The following ADAMTS18 variants were observed in gnomAD, a reference collection of about 807,000 sequenced individuals.
ADAMTS18 encodes ADAM metallopeptidase with thrombospondin type 1 motif 18.
ADAMTS18 carries 157 observed loss-of-function variants against 165.9 expected under a neutral mutation model. The observed-to-expected ratio is 0.95, with a 90% CI of 0.83 to 1.08. The LOEUF (loss-of-function observed/expected upper bound fraction) is 1.08, where lower values mean the gene tolerates loss of function less well. Ranked by LOEUF, ADAMTS18 falls within the 50% of genes least tolerant of loss-of-function variation. The probability of loss-of-function intolerance (pLI) is 0.00; values close to 1 mark genes in which losing one functional copy is unlikely to be tolerated. For missense variants in ADAMTS18, 2,040 were observed against 1,534.0 expected, an observed-to-expected ratio of 1.33 and a Z score of -5.51; for synonymous variants, 782 against 578.2, an observed-to-expected ratio of 1.35 and a Z score of -5.06.
At chr16:77,370,238 A>G (rs529885537) in intron 3 of ADAMTS18, among the ~76,000 whole-genome samples, 1 of 152,316 alleles carries the variant, frequency 6.6e-6, no homozygotes, top group East Asian at 1.9e-4. Context: ...TGGGTAGAGC[A>G]ATTAGGCAAG....
Position 77,289,251 on chromosome 16 carries a change from G to T in ADAMTS18, c.3550+13C>A. 1 of 1,614,022 alleles carries T rather than the reference G, an allele frequency of 6.2e-7. No homozygotes were observed. On this transcript the variant is annotated intron_variant, in intron 22 of 22. Transcript: ENST00000282849. ...AGACTAGTAAAGTTGACTGGAGCAT[G>T]GTGCCTTTTTACCTCTCTTTTCAGG...
At chr16:77,285,217 G>GGCTGGAGTGCAATGGTA (rs1330604116) in intron 22 of ADAMTS18, among the ~76,000 whole-genome samples, 2 of 152,158 alleles carry the variant, frequency 1.3e-5, no homozygotes, top group African/African-American at 4.8e-5. Context: ...TTGTTGCCCA[G>GGCTGGAGTGCAATGGTA]GCTGGAGTGC....
chr16:77,405,221 C>T (rs1027409664), intron 3 of ADAMTS18, among the ~76,000 whole-genome samples: 1 of 152,164 alleles, frequency 6.6e-6, no homozygotes, highest in Non-Finnish European at 1.5e-5. Flanking sequence ...CATGTCCAGA[C>T]AGGGAGCTCA....
chr16:77,343,332 C>A (rs2056428064), intron 10 of ADAMTS18, among the ~76,000 whole-genome samples: 2 of 152,168 alleles, frequency 1.3e-5, no homozygotes, highest in Admixed American at 1.3e-4. Context: ...CCTTGGCCTC[C>A]CAAAGTGCTA....
chr16:77,370,925 T>C (rs760603659), intron 3 of ADAMTS18, among the ~76,000 whole-genome samples: 4 of 152,170 alleles, frequency 2.6e-5, no homozygotes, highest in Non-Finnish European at 4.4e-5. Context: ...AGATATTCTG[T>C]GTTCATGGAT....
chr16:77,363,281 T>A (rs1485604796), intron 6 of ADAMTS18, among the ~76,000 whole-genome samples: 1 of 152,176 alleles, frequency 6.6e-6, no homozygotes, highest in Non-Finnish European at 1.5e-5. Context: ...CAGTTAAATA[T>A]CCCTTGTTTA....
At chr16:77,343,144 C>T (rs1020211490) in intron 10 of ADAMTS18, among the ~76,000 whole-genome samples, 1 of 151,304 alleles carries the variant, frequency 6.6e-6, no homozygotes, top group Admixed American at 6.6e-5. Context: ...ACCATCTCGG[C>T]TCACTGCAAC....
chr16:77,405,691 T>C (rs1222328079), intron 3 of ADAMTS18, among the ~76,000 whole-genome samples: 1 of 152,100 alleles, frequency 6.6e-6, no homozygotes, highest in Non-Finnish European at 1.5e-5. Context: ...GGCTAAAAAG[T>C]CTAATATCGA....
intron 11 of ADAMTS18, among the ~76,000 whole-genome samples, chr16:77,339,807 A>G (rs1007710046): frequency 1.3e-5 from 2 of 151,334 alleles, no homozygotes; most frequent in Non-Finnish European, 3.0e-5. Flanking sequence ...AAAATTGCAC[A>G]TAACTCCTCA....
chr16:77,303,485 T>C (rs911140064), intron 16 of ADAMTS18, among the ~76,000 whole-genome samples: 19 of 152,218 alleles, frequency 1.2e-4, no homozygotes, highest in Non-Finnish European at 2.1e-4. Context: ...GACTTCTCTT[T>C]TTCTGACAGA....
chr16:77,346,175 CCAGT>C (rs1482555334), intron 10 of ADAMTS18, among the ~76,000 whole-genome samples: 16 of 152,334 alleles, frequency 1.1e-4, no homozygotes, highest in Admixed American at 1.0e-3. Flanking sequence ...CAGCCACCAA[CCAGT>C]CAGTCTTCCA....
In ADAMTS18 at chr16:77,293,237, C is replaced by G. The variant is rs145095974; in HGVS notation, c.3028G>C (p.Gly1010Arg). The G allele has an allele frequency of 1.2e-6, 2 of 1,613,734 alleles. No individual in the cohort carries two copies. Among genetic ancestry groups the G allele is most frequent in the Non-Finnish European group, 8.5e-7 (1 of 1,179,962 alleles). ...WSQCSKTCGR[G>R]VRKRELLCKG... is the part of the protein sequence containing the mutation. ...CAGAGGAGTTCACGCTTCCTCACCC[C>G]TCGTCCACAGGTCTTGGAACACTTG... The change falls in exon 20 of 23, where the codon GGG becomes CGG. Residue 1010 changes from glycine to arginine, a missense_variant. By Grantham distance (125) the Gly-to-Arg change is moderately radical. Coordinates refer to ENST00000282849, the MANE Select transcript of ADAMTS18 (RefSeq NM_199355.4).
rs751759719 is a variant in ADAMTS18, at chr16:77,395,129, G to C, written c.496-27406C>G. Reference sequence around the variant, plus strand: ...TACAGCAAGCTGCCATACCAGAAGAGACCTGAGGAAGGCTGGTGAAATTCA... The same window carrying C: ...TACAGCAAGCTGCCATACCAGAAGACACCTGAGGAAGGCTGGTGAAATTCA... On this transcript the variant is annotated intron_variant, in intron 3 of 22. Coordinates refer to ENST00000282849, the MANE Select transcript of ADAMTS18 (RefSeq NM_199355.4). Among the ~76,000 whole-genome samples the C allele has an allele frequency of 1.7e-4, 26 of 152,332 alleles. 2 individuals carry two copies. The Middle Eastern group carries it at 0.037, about 219-fold the overall frequency.
rs751775332 is a variant in ADAMTS18, at chr16:77,289,396, C to G, written c.3418G>C (p.Gly1140Arg). 10 of 1,613,944 alleles carry G rather than the reference C, an allele frequency of 6.2e-6. No individual in the cohort carries two copies. Among genetic ancestry groups the G allele is most frequent in the South Asian group, 1.1e-5 (1 of 91,074 alleles). ...ACTGACCGGGTCTGGACCCCTCCCC[C>G]ACAGGTGACTGTGCACTGCAGCAGA... is the stretch of plus-strand genomic sequence containing the variant. Reference protein sequence around the residue: ...LPWQQCTVTCGGGVQTRSVHC... With the variant: ...LPWQQCTVTCRGGVQTRSVHC... Residue 1140 changes from glycine to arginine, a missense_variant, in exon 22 of 23, where the codon GGG becomes CGG. Coordinates refer to ENST00000282849, the MANE Select transcript of ADAMTS18 (RefSeq NM_199355.4).
chr16:77,367,900 C>T (rs1365282631), intron 3 of ADAMTS18, among the ~76,000 whole-genome samples, 177 bp from the exon 4 acceptor site: 2 of 152,162 alleles, frequency 1.3e-5, no homozygotes, highest in Admixed American at 6.5e-5. Context: ...ATTATTGAGA[C>T]AGGTCTCACT....
At chr16:77,307,786 G>T (rs1194135412) in intron 16 of ADAMTS18, among the ~76,000 whole-genome samples, 1 of 152,028 alleles carries the variant, frequency 6.6e-6, no homozygotes, top group African/African-American at 2.4e-5. Context: ...TACACTGATT[G>T]TATCTTGAGG....
At chr16:77,350,905 T>C (rs79002980) in intron 10 of ADAMTS18, among the ~76,000 whole-genome samples, 13,232 of 151,808 alleles carry the variant, frequency 0.087, 776 homozygotes, top group East Asian at 0.25. Context: ...ACCCTTTCAC[T>C]ATGCAATGCT....
rs569546410 is a variant in ADAMTS18, at chr16:77,335,879, T to G, written c.1736A>C (p.Lys579Thr). 1 of 1,614,138 alleles carries G rather than the reference T, an allele frequency of 6.2e-7. No homozygotes were observed. Among genetic ancestry groups the G allele is most frequent in the East Asian group, 2.2e-5 (1 of 44,878 alleles). The change falls in exon 12 of 23, where the codon AAG (lysine) becomes ACG (threonine). Residue 579 changes from lysine to threonine, a missense_variant. Transcript: ENST00000282849. ...GGGCCGGGGCCCGAGCTCCCCAAAC[T>G]TTACGCACTGGCCTTGCCGACACCA... Reference protein sequence around the residue: ...SMWCRQGQCVKFGELGPRPIH... With the variant: ...SMWCRQGQCVTFGELGPRPIH...
chr16:77,333,950 A>C (rs546699975), intron 12 of ADAMTS18, among the ~76,000 whole-genome samples: 3 of 142,462 alleles, frequency 2.1e-5, no homozygotes, highest in Non-Finnish European at 4.5e-5. Context: ...ATATAGTGTC[A>C]TATATACTAT....
Sources: allele counts gnomAD v4.1 joint callset (sites outside exome capture counted in the v4.1 genomes callset), GRCh38; gene constraint gnomAD v4.1.1; transcripts MANE v1.5; gene names NCBI Gene and HGNC (gene_info 2026-07-23, HGNC 2026-07-21).